The following WRN variants were observed in gnomAD, a reference collection of about 807,000 sequenced individuals.
WRN encodes the protein bifunctional 3'-5' exonuclease/ATP-dependent helicase WRN.
Under a neutral mutation model 180.7 loss-of-function variants are expected in WRN, and 149 were observed. The observed-to-expected ratio is 0.82, with a 90% CI of 0.72 to 0.94. The LOEUF is 0.94. WRN is among the 40% of genes least tolerant of loss of function. The probability of loss-of-function intolerance (pLI) is 0.00; values close to 1 mark genes in which losing one functional copy is unlikely to be tolerated. For missense variants in WRN, 1,661 were observed against 1,700.1 expected, an observed-to-expected ratio of 0.98 and a Z score of 0.40; for synonymous variants, 548 against 568.9, an observed-to-expected ratio of 0.96 and a Z score of 0.52.
At chr8:31,121,243 TTTG>T (rs2130327360) in intron 21 of WRN, among the ~76,000 whole-genome samples, 1 of 152,108 alleles carries the variant, frequency 6.6e-6, no homozygotes, top group East Asian at 1.9e-4. Flanking sequence ...AGAGTACACC[TTTG>T]TGTAGCTGAA....
chr8:31,088,997 A>G (rs771623109), intron 13 of WRN, 32 bp downstream of exon 13: 1 of 1,582,324 alleles, frequency 6.3e-7, no homozygotes, highest in Non-Finnish European at 8.6e-7. Context: ...CAAATCACAT[A>G]TTTAGTATTC....
chr8:31,124,412 G>A, intron 21 of WRN, 110 bp from the exon 22 acceptor site: 1 of 815,480 alleles, frequency 1.2e-6, no homozygotes, highest in Non-Finnish European at 2.0e-6. Context: ...TCTTGATGGG[G>A]TGTGGGTTTT....
intron 20 of WRN, 64 bp downstream of exon 20, chr8:31,116,592 T>C: frequency 1.3e-6 from 2 of 1,595,142 alleles, no homozygotes; most frequent in South Asian, 2.2e-5. Context: ...TCTCAAATGT[T>C]TATTTACCAG....
At chr8:31,142,584 G>T in intron 26 of WRN, 42 bp from the exon 27 acceptor site, 1 of 1,428,432 alleles carries the variant, frequency 7.0e-7, no homozygotes, top group South Asian at 1.3e-5. Flanking sequence ...TTAGATACTT[G>T]CATCTTAACA....
chr8:31,113,388 G>A (rs1178605405), intron 19 of WRN, among the ~76,000 whole-genome samples: 1 of 152,072 alleles, frequency 6.6e-6, no homozygotes, highest in Non-Finnish European at 1.5e-5. Flanking sequence ...TGGCTTTCTT[G>A]TCCTATATTC....
At chr8:31,051,610 C>G (rs1812080008) in intron 1 of WRN, among the ~76,000 whole-genome samples, 1 of 152,142 alleles carries the variant, frequency 6.6e-6, no homozygotes, top group Non-Finnish European at 1.5e-5. Flanking sequence ...AATCTCTTAG[C>G]ATTTAATTGA....
intron 23 of WRN, among the ~76,000 whole-genome samples, chr8:31,132,064 C>T (rs1802199532): frequency 6.7e-6 from 1 of 149,650 alleles, no homozygotes; most frequent in Non-Finnish European, 1.5e-5. Context: ...GGCAACTCTG[C>T]TTGCTCGTCC....
chr8:31,134,021 T>C (rs2130383259), intron 24 of WRN, among the ~76,000 whole-genome samples: 1 of 152,118 alleles, frequency 6.6e-6, no homozygotes, highest in South Asian at 2.1e-4. Context: ...CTTCTGGGAG[T>C]CCTCAAATTA....
At chr8:31,142,130 A>G (rs775581403) in intron 26 of WRN, among the ~76,000 whole-genome samples, 3 of 152,028 alleles carry the variant, frequency 2.0e-5, no homozygotes, top group African/African-American at 7.2e-5. Flanking sequence ...TTTTTTGTAT[A>G]GAGACAGGGT....
At chr8:31,154,508 T>A (rs1470948940) in intron 31 of WRN, 116 bp from the exon 32 acceptor site, 2 of 1,237,426 alleles carry the variant, frequency 1.6e-6, no homozygotes, top group East Asian at 2.7e-5. Context: ...AGGGAATTAT[T>A]TGTTGCTTAT....
chr8:31,131,160 C>CTTTTTTTTTTT (rs71206302), intron 23 of WRN, among the ~76,000 whole-genome samples: 37,005 of 106,366 alleles, frequency 0.35, 7,436 homozygotes, highest in South Asian at 0.45. Flanking sequence ...TTGCAACTTT[C>CTTTTTTTTTTT]TTTTTTTTTG....
intron 27 of WRN, among the ~76,000 whole-genome samples, chr8:31,143,058 C>CTT (rs72207673): frequency 0.41 from 57,649 of 140,820 alleles, 11,341 homozygotes; most frequent in East Asian, 0.62. Context: ...CACACACATT[C>CTT]TCTCTCTCTC....
intron 21 of WRN, among the ~76,000 whole-genome samples, chr8:31,122,199 TTTG>T (rs1233327610): frequency 6.6e-6 from 1 of 151,936 alleles, no homozygotes; most frequent in African/African-American, 2.4e-5. Context: ...CAGGTTACCC[TTTG>T]CATCAATCCT....
chr8:31,049,121 G>A (rs1297084223), intron 1 of WRN, among the ~76,000 whole-genome samples: 2 of 132,202 alleles, frequency 1.5e-5, no homozygotes, highest in Non-Finnish European at 3.1e-5. Context: ...TGAGGCAGGA[G>A]AATGGCGTGA....
intron 1 of WRN, among the ~76,000 whole-genome samples, chr8:31,039,714 G>A (rs1298051522): frequency 6.6e-6 from 1 of 152,044 alleles, no homozygotes; most frequent in Non-Finnish European, 1.5e-5. Flanking sequence ...ATCATGTTGA[G>A]GAAATACCCT....
rs528775300 is a variant in WRN at position 31,064,163 on chromosome 8, A to T, written c.210-126A>T. ...ACATATTTTCTGGCTGTTCATTGTC[A>T]GTTGTATGTGCTCCAGATAACTTGA... On this transcript the variant is annotated intron_variant, in intron 3 of 34. Coordinates refer to ENST00000298139, the MANE Select transcript of WRN (RefSeq NM_000553.6). 4.7e-5 allele frequency: 45 copies of T among 962,476 alleles called. No individual in the cohort carries two copies. In the East Asian group the frequency reaches 1.2e-3, roughly 25 times the overall value. The allele number at this position is 962,476 out of a possible 1,614,324, so 59.6% of individuals were successfully genotyped here.
intron 16 of WRN, among the ~76,000 whole-genome samples, chr8:31,092,308 A>C (rs1813777987): frequency 6.6e-6 from 1 of 152,008 alleles, no homozygotes; most frequent in Non-Finnish European, 1.5e-5. Context: ...CTCAGAGACA[A>C]GTAATTTGCC....
chr8:31,037,492 G>A (rs1468749663), intron 1 of WRN, among the ~76,000 whole-genome samples: 1 of 152,180 alleles, frequency 6.6e-6, no homozygotes, highest in Admixed American at 6.5e-5. Context: ...CTTTTTTCCT[G>A]TGTTTTCTTC....
rs557223097 is a variant in WRN, at chr8:31,100,089, G to T, written c.1982-760G>T. Among the ~76,000 whole-genome samples the T allele has an allele frequency of 5.3e-5, 8 of 152,270 alleles. No individual in the cohort carries two copies. In the South Asian group the frequency reaches 1.7e-3, roughly 32 times the overall value. On this transcript the variant is annotated intron_variant, in intron 17 of 34. Coordinates refer to ENST00000298139, the MANE Select transcript of WRN (RefSeq NM_000553.6). ...CATTGAGGGAAAAAATTATTCTTAA[G>T]TATCAATTTGTTAATTGAGGACAAA... is the stretch of plus-strand genomic sequence containing the variant.
Sources: gnomAD v4.1 joint callset for allele counts (sites outside exome capture counted in the v4.1 genomes callset) on GRCh38, gnomAD v4.1.1 for gene constraint, MANE v1.5 for transcripts, NCBI Gene and HGNC (gene_info 2026-07-23, HGNC 2026-07-21) for gene names.